DSC1: variants seen among roughly 807,000 people sequenced by gnomAD.
DSC1 encodes desmocollin 1.
In DSC1, 79 loss-of-function variants were observed where a neutral mutation model predicts 98.8. That is an observed-to-expected ratio of 0.80 (90% CI 0.67 to 0.96). The LOEUF is 0.96. Among genes scored for constraint, DSC1 ranks in the 50% least tolerant of loss-of-function variants. The pLI, the probability that DSC1 is intolerant of heterozygous loss-of-function variation, is 0.00. For synonymous variants in DSC1, 405 were observed against 372.1 expected, an observed-to-expected ratio of 1.09 and a Z score of -1.02; for missense variants, 1,115 against 1,075.9, an observed-to-expected ratio of 1.04 and a Z score of -0.51.
In DSC1 at chr18:31,162,461, C is replaced by G. The variant is rs1989227234; in HGVS notation, c.63+71G>C. Reference sequence around the variant, plus strand: ...TCCCATCCTCACTCCTAGTCTCTTTCAAGCCCAAACTGCAGAGAGGAAGCA... The same window carrying G: ...TCCCATCCTCACTCCTAGTCTCTTTGAAGCCCAAACTGCAGAGAGGAAGCA... On this transcript the variant is annotated intron_variant, in intron 1 of 15. Coordinates refer to ENST00000257198, the MANE Select transcript of DSC1 (RefSeq NM_024421.2). 4 of 1,490,272 alleles carry G rather than the reference C, an allele frequency of 2.7e-6. No individual in the cohort carries two copies. The East Asian group carries it at 9.0e-5, about 34-fold the overall frequency. 92.3% of individuals were successfully genotyped at this position (1,490,272 alleles called of 1,614,324 possible). A position where few individuals can be genotyped will look rare whatever the true frequency, so the allele number is the denominator to read the frequency against.
chr18:31,143,635 A>G (rs1482206444), intron 8 of DSC1, 22 bp downstream of exon 8: 3 of 1,496,956 alleles, frequency 2.0e-6, no homozygotes, highest in African/African-American at 1.4e-5. Context: ...ATCTAGATGA[A>G]TGAATAGAGA....
At chr18:31,160,119 A>G (rs549345776) in intron 1 of DSC1, among the ~76,000 whole-genome samples, 1 of 152,346 alleles carries the variant, frequency 6.6e-6, no homozygotes, top group Non-Finnish European at 1.5e-5. Context: ...ATATGTCAAA[A>G]TATGGAGAGT....
rs1310746947 is a variant in DSC1 at position 31,130,714 on chromosome 18, G to A, written c.2488-3C>T. On this transcript the variant is annotated splice_polypyrimidine_tract_variant and splice_region_variant and intron_variant, in intron 15 of 15. Transcript: ENST00000257198. ...TCTTGTCCACACAAATACACCTTCTGTATCAAAAAAGAGCACATTTTATTA... is the reference window on the plus strand; with the variant it reads ...TCTTGTCCACACAAATACACCTTCTATATCAAAAAAGAGCACATTTTATTA... The A allele has an allele frequency of 1.9e-6, 3 of 1,612,928 alleles. No individual in the cohort carries two copies. The highest frequency in any genetic ancestry group is 2.5e-6 in the Non-Finnish European group (3 of 1,179,742).
intron 1 of DSC1, among the ~76,000 whole-genome samples, chr18:31,160,906 T>C (rs966278773): frequency 6.6e-6 from 1 of 152,200 alleles, no homozygotes; most frequent in African/African-American, 2.4e-5. Flanking sequence ...ATACACACAG[T>C]CATATATTGC....
At chr18:31,147,503 C>T (rs77383140) in intron 6 of DSC1, among the ~76,000 whole-genome samples, 35,573 of 151,846 alleles carry the variant, frequency 0.23, 4,680 homozygotes, top group East Asian at 0.56. Context: ...AAGTATATAA[C>T]CTCATAAAAC....
At chr18:31,147,743 A>G (rs1163511179) in intron 6 of DSC1, among the ~76,000 whole-genome samples, 1 of 152,168 alleles carries the variant, frequency 6.6e-6, no homozygotes, top group Admixed American at 6.6e-5. Context: ...ATAAGATTTT[A>G]ATATAAACTG....
At chr18:31,141,799 T>A (rs766924813) in intron 9 of DSC1, among the ~76,000 whole-genome samples, 200 bp downstream of exon 9, 4 of 152,116 alleles carry the variant, frequency 2.6e-5, no homozygotes, top group African/African-American at 9.7e-5. Flanking sequence ...GAACAATGAG[T>A]TTTGTACCTG....
At chr18:31,148,791 C>T in intron 5 of DSC1, 149 bp from the exon 6 acceptor site, 2 of 700,270 alleles carry the variant, frequency 2.9e-6, no homozygotes, top group East Asian at 2.9e-5. Context: ...AGAGATAACC[C>T]ACAGATGCAG....
rs1598610507 is a variant in DSC1, at chr18:31,130,579, G to A, written c.2620C>T (p.Leu874=). 2.5e-6 allele frequency: 4 copies of A among 1,614,130 alleles called. No homozygotes were observed. The highest frequency in any genetic ancestry group is 2.2e-5 in the East Asian group (1 of 44,874). The stretch of plus-strand genomic sequence containing the variant: ...GGTTCCAGGTGATCTAGAAACTCCA[G>A]TCCCTCTTCTTCCTGCCGATCGCTG... ...CCSDRQEEEG[L]EFLDHLEPKF... The change falls in exon 16 of 16, where the codon CTG becomes TTG. Residue 874 remains leucine, a synonymous_variant. Coordinates refer to ENST00000257198, the MANE Select transcript of DSC1 (RefSeq NM_024421.2).
chr18:31,147,467 T>A (rs2037721175), intron 6 of DSC1, among the ~76,000 whole-genome samples: 1 of 152,134 alleles, frequency 6.6e-6, no homozygotes, highest in Admixed American at 6.5e-5. Context: ...GGTAGCAAGA[T>A]GAGCACAGAA....
chr18:31,140,322 A>C (rs778392317), intron 9 of DSC1, 21 bp from the exon 10 acceptor site: 3 of 1,608,648 alleles, frequency 1.9e-6, no homozygotes, highest in African/African-American at 2.7e-5. Flanking sequence ...AGCATACTTT[A>C]ATAAGTCAAT....
intron 11 of DSC1, among the ~76,000 whole-genome samples, chr18:31,136,926 T>C (rs1487717684): frequency 2.6e-5 from 4 of 152,192 alleles, no homozygotes; most frequent in Non-Finnish European, 5.9e-5. Context: ...ATGAAGTCAT[T>C]GGTGTGTTTA....
chr18:31,155,021 C>G, intron 4 of DSC1, 92 bp from the exon 5 acceptor site: 1 of 1,354,474 alleles, frequency 7.4e-7, no homozygotes, highest in African/African-American at 1.5e-5. Context: ...ACCACTACCC[C>G]TCTTTCCTAC....
In DSC1 at chr18:31,154,770, C is replaced by T. The variant is rs1485139534; in HGVS notation, c.627+4G>A. The stretch of plus-strand genomic sequence containing the variant: ...ATTATGAATAAATATTTCAATAATC[C>T]TACCGCAAACTGTTCATATTTCTCA... On this transcript the variant is annotated splice_donor_region_variant and intron_variant, in intron 5 of 15. Coordinates refer to ENST00000257198, the MANE Select transcript of DSC1 (RefSeq NM_024421.2). 17 of 1,595,054 alleles carry T rather than the reference C, an allele frequency of 1.1e-5. No individual in the cohort carries two copies. The highest frequency in any genetic ancestry group is 1.4e-5 in the African/African-American group (1 of 73,924).
intron 9 of DSC1, among the ~76,000 whole-genome samples, 198 bp downstream of exon 9, chr18:31,141,801 T>C (rs890577833): frequency 1.3e-5 from 2 of 152,190 alleles, no homozygotes; most frequent in East Asian, 3.9e-4. Context: ...ACAATGAGTT[T>C]TGTACCTGAC....
rs199512546 is a variant in DSC1 at position 31,134,130 on chromosome 18, C to T, written c.1877G>A (p.Gly626Asp). ...CCGTTGACGAAGAATGGCAGTTTTA[C>T]CTAGGGAAAAAAAAGACAGAATATA... Reference protein sequence around the residue: ...SKNWNIEEKDGKTAILRQRQN... With the variant: ...SKNWNIEEKDDKTAILRQRQN... Residue 626 changes from glycine to aspartate, a missense_variant and splice_region_variant, in exon 13 of 16, where the codon GGT becomes GAT. Coordinates refer to ENST00000257198, the MANE Select transcript of DSC1 (RefSeq NM_024421.2). The T allele has an allele frequency of 2.3e-4, 371 of 1,598,918 alleles. 4 individuals are homozygous for T. In the South Asian group the frequency reaches 3.7e-3, roughly 16 times the overall value.
rs183978465 is a variant in DSC1 at position 31,159,662 on chromosome 18, A to C, written c.64-133T>G. ...AATCATTTAATTCTTTACATTTTTA[A>C]TACTCACTTTAAAAGGAACCAGCAA... On this transcript the variant is annotated intron_variant, in intron 1 of 15. Coordinates refer to ENST00000257198, the MANE Select transcript of DSC1 (RefSeq NM_024421.2). The C allele has an allele frequency of 1.0e-4, 86 of 852,524 alleles. 1 individual carries two copies. The highest frequency in any genetic ancestry group is 2.0e-4 in the Admixed American group (7 of 34,308). The allele number at this position is 852,524 out of a possible 1,614,324, so 52.8% of individuals were successfully genotyped here. A position where few individuals can be genotyped will look rare whatever the true frequency, so the allele number is the denominator to read the frequency against.
chr18:31,159,621 A>G (rs1989174384), intron 1 of DSC1, 92 bp from the exon 2 acceptor site: 1 of 1,219,394 alleles, frequency 8.2e-7, no homozygotes. Context: ...AATATTGTCA[A>G]TTTTGGAAAC....
chr18:31,133,904 A>G lies in DSC1; in HGVS notation c.2103T>C (p.Ser701=), dbSNP rs147272186. Residue 701 remains serine, a synonymous_variant, in exon 13 of 16, where the codon TCT becomes TCC. Coordinates refer to ENST00000257198, the MANE Select transcript of DSC1 (RefSeq NM_024421.2). ...RWAILAMVLG[S]VLLLCILFTC... ...TAATATACTTACATAATAACAATACAGAACCCAACACCATAGCAAGAATAG... is the reference window on the plus strand; with the variant it reads ...TAATATACTTACATAATAACAATACGGAACCCAACACCATAGCAAGAATAG... The G allele has an allele frequency of 3.1e-6, 5 of 1,612,554 alleles. No homozygotes were observed. In the African/African-American group the frequency reaches 5.3e-5, roughly 17 times the overall value.
Sources: allele counts gnomAD v4.1 joint callset (sites outside exome capture counted in the v4.1 genomes callset), GRCh38; gene constraint gnomAD v4.1.1; transcripts MANE v1.5; gene names NCBI Gene and HGNC (gene_info 2026-07-23, HGNC 2026-07-21).